AHI1: variants seen among roughly 807,000 people sequenced by gnomAD.
AHI1 encodes the protein jouberin.
Under a neutral mutation model 149.3 loss-of-function variants are expected in AHI1, and 123 were observed. The observed-to-expected ratio is 0.82, with a 90% CI of 0.71 to 0.96. AHI1 has a LOEUF of 0.96. AHI1 is among the 40% of genes least tolerant of loss of function. AHI1 has a pLI of 0.00. For synonymous variants in AHI1, 475 were observed against 459.8 expected, an observed-to-expected ratio of 1.03 and a Z score of -0.42; for missense variants, 1,439 against 1,422.7, an observed-to-expected ratio of 1.01 and a Z score of -0.18.
rs1022931841 is a variant in AHI1 at position 135,289,113 on chromosome 6, T to C, written c.3588+1310A>G. Among the ~76,000 whole-genome samples, 5 of 148,640 alleles carry C rather than the reference T, an allele frequency of 3.4e-5. 1 individual carries two copies. Among genetic ancestry groups the C allele is most frequent in the African/African-American group, 1.3e-4 (5 of 38,074 alleles). ...TATCCCTTTAAGAATCCTTTAAGAA[T>C]GTCCTGTGTATATCTTTGTCCCGTT... On this transcript the variant is annotated intron_variant, in intron 28 of 28. Coordinates refer to ENST00000265602, the MANE Select transcript of AHI1 (RefSeq NM_001134831.2).
Position 135,458,088 on chromosome 6 carries a change from G to A in AHI1, c.932-375C>T, listed in dbSNP as rs116313412. Reference sequence around the variant, plus strand: ...TAGGATGCAGCAGGTAAACACTTTGGGTAACAACTGGAAAGAGCCAAATAA... The same window carrying A: ...TAGGATGCAGCAGGTAAACACTTTGAGTAACAACTGGAAAGAGCCAAATAA... On this transcript the variant is annotated intron_variant, in intron 8 of 28. Transcript: ENST00000265602. 4.3e-3 allele frequency among the ~76,000 whole-genome samples: 658 copies of A among 151,850 alleles called. 5 individuals are homozygous for A. The highest frequency in any genetic ancestry group is 0.015 in the African/African-American group (631 of 41,418).
At chr6:135,449,095 G>A (rs1404905896) in intron 11 of AHI1, among the ~76,000 whole-genome samples, 3 of 152,024 alleles carry the variant, frequency 2.0e-5, no homozygotes, top group Admixed American at 2.0e-4. Context: ...TATCCAGGCC[G>A]GAGTGCAGTG....
chr6:135,324,549 T>TAC (rs1014921097), intron 24 of AHI1, among the ~76,000 whole-genome samples: 1 of 77,142 alleles, frequency 1.3e-5, no homozygotes, highest in African/African-American at 8.1e-5. Context: ...TAGTTATATA[T>TAC]ACATATATAT....
chr6:135,324,403 T>C (rs1027812690), intron 24 of AHI1, among the ~76,000 whole-genome samples: 1 of 148,762 alleles, frequency 6.7e-6, no homozygotes, highest in Non-Finnish European at 1.5e-5. Flanking sequence ...TAGATTTAGA[T>C]CTGATACACT....
intron 24 of AHI1, among the ~76,000 whole-genome samples, chr6:135,329,252 T>C (rs902613662): frequency 6.6e-5 from 10 of 152,222 alleles, no homozygotes; most frequent in Non-Finnish European, 1.5e-4. Context: ...ATGCCGTCTA[T>C]GACTTTCATA....
At chr6:135,306,680 G>A (rs1433658639) in intron 26 of AHI1, among the ~76,000 whole-genome samples, 3 of 152,168 alleles carry the variant, frequency 2.0e-5, no homozygotes, top group African/African-American at 7.2e-5. Context: ...TGGGCAACTT[G>A]TTGTGCCCCC....
chr6:135,434,244 C>G (rs1785063094), intron 15 of AHI1, among the ~76,000 whole-genome samples: 2 of 151,872 alleles, frequency 1.3e-5, no homozygotes, highest in South Asian at 4.1e-4. Flanking sequence ...TGAGTTTCCT[C>G]AGCAGCTGCT....
chr6:135,419,352 A>T (rs940523226), intron 20 of AHI1, among the ~76,000 whole-genome samples: 4 of 152,092 alleles, frequency 2.6e-5, no homozygotes, highest in Non-Finnish European at 4.4e-5. Context: ...TATCCAACTG[A>T]AAATGTGTCA....
intron 3 of AHI1, among the ~76,000 whole-genome samples, chr6:135,493,940 G>A: frequency 6.6e-6 from 1 of 152,200 alleles, no homozygotes. Context: ...CTACTGGGGA[G>A]GCTGAGGCAG....
chr6:135,358,334 T>C (rs1460324048), intron 23 of AHI1, 147 bp from the exon 24 acceptor site: 1 of 721,974 alleles, frequency 1.4e-6, no homozygotes, highest in African/African-American at 1.8e-5. Context: ...AAGATCCTTT[T>C]AAGATGTATC....
chr6:135,461,101 C>T (rs576319298), intron 8 of AHI1, among the ~76,000 whole-genome samples: 2 of 151,046 alleles, frequency 1.3e-5, no homozygotes, highest in East Asian at 3.9e-4. Context: ...CAAAAGACAC[C>T]AATGAGAGAG....
chr6:135,394,753 G>T, intron 23 of AHI1, 23 bp downstream of exon 23: 1 of 1,608,398 alleles, frequency 6.2e-7, no homozygotes, highest in Non-Finnish European at 8.5e-7. Context: ...TAAAAGAATT[G>T]TCAAAGTAAG....
chr6:135,457,414 A>C (rs1789143759), intron 9 of AHI1, 80 bp downstream of exon 9: 2 of 1,030,816 alleles, frequency 1.9e-6, no homozygotes, highest in African/African-American at 1.6e-5. Flanking sequence ...ATTCCCACTG[A>C]CTTTCAACTA....
intron 26 of AHI1, chr6:135,301,476 T>C: frequency 1.0e-6 from 1 of 985,450 alleles, no homozygotes; most frequent in Non-Finnish European, 1.2e-6. Context: ...GTTTGGCCTT[T>C]TTAGATTTCC....
At chr6:135,358,255 G>A in intron 23 of AHI1, 68 bp from the exon 24 acceptor site, 4 of 1,355,420 alleles carry the variant, frequency 3.0e-6, no homozygotes, top group Non-Finnish European at 4.2e-6. Flanking sequence ...AAATATTCAT[G>A]CCATTTTATT....
In AHI1 at chr6:135,290,542, T is replaced by A; in HGVS notation, c.3486-17A>T. The A allele has an allele frequency of 1.2e-6, 2 of 1,613,334 alleles. No homozygotes were observed. On this transcript the variant is annotated splice_polypyrimidine_tract_variant and intron_variant, in intron 27 of 28. Coordinates refer to ENST00000265602, the MANE Select transcript of AHI1 (RefSeq NM_001134831.2). ...ATTTCAGAACTATAGGAGGGAAAGA[T>A]CAGAAACAAGGAGCCAGTAAAAGAG... is the stretch of plus-strand genomic sequence containing the variant.
chr6:135,457,143 G>A (rs1225230739), intron 9 of AHI1, among the ~76,000 whole-genome samples: 1 of 152,162 alleles, frequency 6.6e-6, no homozygotes, highest in Non-Finnish European at 1.5e-5. Flanking sequence ...AATTAGCCAG[G>A]AGTGGTGGCG....
At chr6:135,327,847 G>A (rs976319533) in intron 24 of AHI1, among the ~76,000 whole-genome samples, 1 of 152,208 alleles carries the variant, frequency 6.6e-6, no homozygotes, top group African/African-American at 2.4e-5. Context: ...GGTTCCAGGA[G>A]AGTCATGCCC....
chr6:135,353,777 T>G (rs374823636), intron 24 of AHI1, among the ~76,000 whole-genome samples: 7 of 152,162 alleles, frequency 4.6e-5, no homozygotes, highest in African/African-American at 1.7e-4. Context: ...TACAAACATC[T>G]CAGAAATATT....
Sources: gnomAD v4.1 joint callset for allele counts (sites outside exome capture counted in the v4.1 genomes callset) on GRCh38, gnomAD v4.1.1 for gene constraint, MANE v1.5 for transcripts, NCBI Gene and HGNC (gene_info 2026-07-23, HGNC 2026-07-21) for gene names.